The following FOXO3 variants were observed in gnomAD, a reference collection of about 807,000 sequenced individuals.
FOXO3 encodes forkhead box protein O3.
In FOXO3, 4 loss-of-function variants were observed where a neutral mutation model predicts 41.9. The ratio of observed to expected loss-of-function variants is 0.10; its 90% CI spans 0.05 to 0.22. FOXO3 has a LOEUF of 0.22. FOXO3 is among the 10% of genes least tolerant of loss of function. The probability of loss-of-function intolerance (pLI) is 1.00; values close to 1 mark genes in which losing one functional copy is unlikely to be tolerated. For missense variants in FOXO3, 534 were observed against 906.8 expected (o/e 0.59, Z 5.28); for synonymous variants, 318 against 389.3 (o/e 0.82, Z 2.16).
At chr6:108,678,183 G>T (rs889442213) in intron 2 of FOXO3, among the ~76,000 whole-genome samples, 3 of 152,208 alleles carry the variant, frequency 2.0e-5, no homozygotes, top group African/African-American at 7.2e-5. Flanking sequence ...AGAAGAGATT[G>T]AAGTTACAGT....
chr6:108,575,401 A>G (rs1034870830), intron 1 of FOXO3, among the ~76,000 whole-genome samples: 2 of 151,900 alleles, frequency 1.3e-5, no homozygotes, highest in Non-Finnish European at 2.9e-5. Flanking sequence ...AAGAAAAGAA[A>G]AAAAAACCTC....
intron 1 of FOXO3, among the ~76,000 whole-genome samples, chr6:108,586,094 ATGTTAATTCCAAACT>A (rs1442442943): frequency 1.3e-5 from 2 of 152,204 alleles, no homozygotes; most frequent in Admixed American, 6.5e-5. Flanking sequence ...TTCCCCAAAG[ATGTTAATTCCAAACT>A]TGTTTATGTT....
At chr6:108,574,499 C>T (rs1217600064) in intron 1 of FOXO3, among the ~76,000 whole-genome samples, 2 of 152,040 alleles carry the variant, frequency 1.3e-5, no homozygotes, top group Non-Finnish European at 2.9e-5. Context: ...AAAACATTTA[C>T]AAGGAGTTCT....
intron 1 of FOXO3, among the ~76,000 whole-genome samples, chr6:108,609,566 G>C (rs1464527535): frequency 6.6e-6 from 1 of 152,146 alleles, no homozygotes; most frequent in Non-Finnish European, 1.5e-5. Flanking sequence ...GTTGCAGGTG[G>C]TATTGTTAAG....
At chr6:108,561,905 G>T in intron 1 of FOXO3, 76 bp downstream of exon 1, 1 of 1,475,408 alleles carries the variant, frequency 6.8e-7, no homozygotes, top group African/African-American at 1.5e-5. Context: ...CGGATTCGTC[G>T]GAGTGCGCTT....
At chr6:108,659,269 A>G (rs994823972) in intron 1 of FOXO3, among the ~76,000 whole-genome samples, 2 of 152,200 alleles carry the variant, frequency 1.3e-5, no homozygotes, top group African/African-American at 2.4e-5. Flanking sequence ...TAAACAAATT[A>G]AAATAGTAAG....
chr6:108,656,025 G>T (rs1176187474), intron 1 of FOXO3, among the ~76,000 whole-genome samples: 1 of 152,020 alleles, frequency 6.6e-6, no homozygotes, highest in African/African-American at 2.4e-5. Flanking sequence ...TAAGGACCAG[G>T]AGACGCCTGC....
At chr6:108,648,706 G>T (rs1263695592) in intron 1 of FOXO3, among the ~76,000 whole-genome samples, 1 of 152,098 alleles carries the variant, frequency 6.6e-6, no homozygotes, top group Non-Finnish European at 1.5e-5. Flanking sequence ...GTCAAGAATG[G>T]CAAAGTGGCC....
chr6:108,630,474 G>A (rs1187089859), intron 1 of FOXO3, among the ~76,000 whole-genome samples: 1 of 152,150 alleles, frequency 6.6e-6, no homozygotes. Context: ...GAACATTTGA[G>A]GTGGCTAGGG....
chr6:108,634,604 T>A (rs1778066576), intron 1 of FOXO3, among the ~76,000 whole-genome samples: 1 of 152,120 alleles, frequency 6.6e-6, no homozygotes, highest in South Asian at 2.1e-4. Flanking sequence ...GAAAGCCAAC[T>A]CCAACAGGCA....
intron 2 of FOXO3, among the ~76,000 whole-genome samples, chr6:108,679,075 G>T (rs2128393533): frequency 6.6e-6 from 1 of 151,886 alleles, no homozygotes; most frequent in Middle Eastern, 3.4e-3. Context: ...GTTTCACCAT[G>T]TTAGCCAGGA....
intron 1 of FOXO3, among the ~76,000 whole-genome samples, chr6:108,645,168 C>T (rs917743505): frequency 5.9e-5 from 9 of 152,208 alleles, no homozygotes; most frequent in Non-Finnish European, 1.2e-4. Context: ...ACTTTCTGTT[C>T]ATTTCGTGTT....
At chr6:108,618,529 A>G (rs1288568688) in intron 1 of FOXO3, among the ~76,000 whole-genome samples, 2 of 152,216 alleles carry the variant, frequency 1.3e-5, no homozygotes, top group Non-Finnish European at 2.9e-5. Context: ...CTAGCATGTA[A>G]ACTTTGTTAG....
At chr6:108,597,379 A>G (rs895835180) in intron 1 of FOXO3, among the ~76,000 whole-genome samples, 2 of 152,224 alleles carry the variant, frequency 1.3e-5, no homozygotes, top group African/African-American at 4.8e-5. Context: ...ATTGCTTATG[A>G]TTCTGAATGT....
intron 1 of FOXO3, among the ~76,000 whole-genome samples, chr6:108,590,824 C>T (rs1310244254): frequency 6.6e-6 from 1 of 152,228 alleles, no homozygotes; most frequent in African/African-American, 2.4e-5. Context: ...CAACTTTTCT[C>T]ATTTTAGTAT....
At chr6:108,576,027 A>C (rs1334457902) in intron 1 of FOXO3, among the ~76,000 whole-genome samples, 1 of 152,220 alleles carries the variant, frequency 6.6e-6, no homozygotes, top group Non-Finnish European at 1.5e-5. Context: ...TGGTGTGAGC[A>C]TGTTTGCTTT....
At chr6:108,608,682 C>T (rs1777275518) in intron 1 of FOXO3, among the ~76,000 whole-genome samples, 1 of 152,192 alleles carries the variant, frequency 6.6e-6, no homozygotes, top group Non-Finnish European at 1.5e-5. Context: ...TATTGGAAAA[C>T]TACTCCATTG....
intron 1 of FOXO3, among the ~76,000 whole-genome samples, chr6:108,603,760 A>G (rs1043838893): frequency 6.6e-6 from 1 of 152,130 alleles, no homozygotes; most frequent in Non-Finnish European, 1.5e-5. Flanking sequence ...AGCCTTTCCC[A>G]AACTGAGGGT....
chr6:108,614,738 G>A (rs927803707), intron 1 of FOXO3, among the ~76,000 whole-genome samples: 9 of 150,456 alleles, frequency 6.0e-5, no homozygotes, highest in African/African-American at 1.5e-4. Flanking sequence ...TATTTTTTGC[G>A]TTTTTTTCAA....
Sources: allele counts gnomAD v4.1 joint callset (sites outside exome capture counted in the v4.1 genomes callset), GRCh38; gene constraint gnomAD v4.1.1; transcripts MANE v1.5; gene names NCBI Gene and HGNC (gene_info 2026-07-23, HGNC 2026-07-21).